RMDN1: variants seen among roughly 807,000 people sequenced by gnomAD.
RMDN1 encodes regulator of microtubule dynamics 1, also known as regulator of microtubule dynamics protein 1.
A neutral mutation model predicts 48.9 loss-of-function variants in RMDN1; 48 were observed. That is an observed-to-expected ratio of 0.98 (90% CI 0.78 to 1.25). The LOEUF is 1.25. Among genes scored for constraint, RMDN1 ranks in the 50% most tolerant of loss-of-function variants. The pLI is 0.00. For missense variants in RMDN1, 418 were observed against 373.4 expected (o/e 1.12, Z -0.98); for synonymous variants, 148 against 132.6 (o/e 1.12, Z -0.80).
At chr8:86,514,103 C>T (rs1820188143) in intron 1 of RMDN1, 1 of 272,782 alleles carries the variant, frequency 3.7e-6, no homozygotes. Context: ...ATCCTCCCAC[C>T]TCTGCCTCCC....
rs118090222 is a variant in RMDN1, at chr8:86,506,809, C to A, written c.247+186G>T. Among the ~76,000 whole-genome samples, 59 of 152,296 alleles carry A rather than the reference C, an allele frequency of 3.9e-4. 1 individual carries two copies. In the East Asian group the frequency reaches 0.011, roughly 29 times the overall value. ...CCAACTTCACGTCAACTTCTGGCTCCTCAAACAGTAGGTTGGCAGTTAGGC... is the reference window on the plus strand; with the variant it reads ...CCAACTTCACGTCAACTTCTGGCTCATCAAACAGTAGGTTGGCAGTTAGGC... On this transcript the variant is annotated intron_variant, in intron 2 of 9. Transcript: ENST00000406452.
chr8:86,512,481 C>G (rs978806651), upstream of RMDN1, among the ~76,000 whole-genome samples: 1 of 152,230 alleles, frequency 6.6e-6, no homozygotes, highest in Non-Finnish European at 1.5e-5. Flanking sequence ...GCATAACTGG[C>G]TGCTGCTTAT....
At chr8:86,496,982 A>T (rs1315359673) in intron 2 of RMDN1, among the ~76,000 whole-genome samples, 1 of 152,166 alleles carries the variant, frequency 6.6e-6, no homozygotes, top group African/African-American at 2.4e-5. Context: ...AATCAATATC[A>T]AGATCTCTCA....
chr8:86,508,799 G>A, upstream of RMDN1: 1 of 1,329,920 alleles, frequency 7.5e-7, no homozygotes, highest in East Asian at 3.0e-5. Flanking sequence ...CGGGCTTAGG[G>A]GGTGGGAAAT....
chr8:86,486,088 T>C (rs1219470012), intron 4 of RMDN1, among the ~76,000 whole-genome samples: 2 of 152,226 alleles, frequency 1.3e-5, no homozygotes, highest in African/African-American at 4.8e-5. Context: ...CTAGCTGTTA[T>C]ATTCCTACCT....
chr8:86,487,280 T>G (rs1815630681), intron 3 of RMDN1, among the ~76,000 whole-genome samples: 1 of 152,208 alleles, frequency 6.6e-6, no homozygotes, highest in Non-Finnish European at 1.5e-5. Context: ...AATAAATTAT[T>G]AACCACCACA....
At chr8:86,479,040 T>G in intron 6 of RMDN1, 30 bp from the exon 7 acceptor site, 1 of 1,479,592 alleles carries the variant, frequency 6.8e-7, no homozygotes, top group Non-Finnish European at 9.4e-7. Context: ...TTTTATACAT[T>G]CAAATTGTAC....
chr8:86,508,517 C>T lies in RMDN1; in HGVS notation c.104G>A (p.Gly35Asp), dbSNP rs1819782477. The change falls in exon 1 of 10, where the codon GGC (glycine) becomes GAC (aspartate). Residue 35 changes from glycine (G) to aspartate (D), a missense_variant. By Grantham distance (94) the Gly-to-Asp change is moderately conservative. Transcript: ENST00000406452. ...AGTSGSRGHC[G>D]PCRFRGFEVM... Reference sequence around the variant, plus strand: ...CTCGAAGCCGCGGAATCGACAGGGGCCGCAATGCCCGCGGCTGCCCGAAGT... The same window carrying T: ...CTCGAAGCCGCGGAATCGACAGGGGTCGCAATGCCCGCGGCTGCCCGAAGT... 1.9e-6 allele frequency: 3 copies of T among 1,561,670 alleles called. No homozygotes were observed. The highest frequency in any genetic ancestry group is 1.4e-5 in the African/African-American group (1 of 73,770).
intron 2 of RMDN1, among the ~76,000 whole-genome samples, chr8:86,501,295 T>C (rs1018826344): frequency 6.6e-6 from 1 of 152,230 alleles, no homozygotes; most frequent in Non-Finnish European, 1.5e-5. Context: ...ATTTTGTTAC[T>C]TCAGAAAGCA....
chr8:86,507,019 C>T lies in RMDN1; in HGVS notation c.223G>A (p.Ala75Thr). 1 of 1,608,760 alleles carries T rather than the reference C, an allele frequency of 6.2e-7. No individual in the cohort carries two copies. Among genetic ancestry groups the T allele is most frequent in the Non-Finnish European group, 8.5e-7 (1 of 1,175,096 alleles). Reference protein sequence around the residue: ...FETYQVISQAAVVHATAKVEE... With the variant: ...FETYQVISQATVVHATAKVEE... Reference sequence around the variant, plus strand: ...CCTTTGGCTGTGGCATGAACCACAGCAGCCTGAGAGATAACCTGGTAAGTT... The same window carrying T: ...CCTTTGGCTGTGGCATGAACCACAGTAGCCTGAGAGATAACCTGGTAAGTT... Residue 75 changes from alanine to threonine, a missense_variant, in exon 2 of 10, where the codon GCT (alanine) becomes ACT (threonine). Physicochemically the swap from Ala to Thr is moderately conservative, Grantham distance 58. Coordinates refer to ENST00000406452, the MANE Select transcript of RMDN1 (RefSeq NM_016033.3).
At chr8:86,493,031 G>T (rs1056950256) in intron 2 of RMDN1, among the ~76,000 whole-genome samples, 6 of 150,964 alleles carry the variant, frequency 4.0e-5, no homozygotes, top group African/African-American at 1.5e-4. Flanking sequence ...AAATGGAAGA[G>T]ATATAGGACA....
At chr8:86,476,752 GT>G (rs1259826085) in intron 8 of RMDN1, among the ~76,000 whole-genome samples, 1 of 152,112 alleles carries the variant, frequency 6.6e-6, no homozygotes, top group Admixed American at 6.6e-5. Context: ...CTGTAGTGCA[GT>G]GGTGCAATCA....
At chr8:86,508,798 G>T (rs376434732), upstream of RMDN1, 4 of 1,247,750 alleles carry the variant, frequency 3.2e-6, no homozygotes, top group Admixed American at 5.1e-5. Flanking sequence ...ACGGGCTTAG[G>T]GGGTGGGAAA....
chr8:86,498,293 G>T (rs1817694640), intron 2 of RMDN1, among the ~76,000 whole-genome samples: 1 of 150,754 alleles, frequency 6.6e-6, no homozygotes, highest in Non-Finnish European at 1.5e-5. Context: ...AAAAAGCCCT[G>T]GACTAGATGG....
intron 2 of RMDN1, among the ~76,000 whole-genome samples, chr8:86,505,789 A>T (rs1819228349): frequency 6.6e-6 from 1 of 152,162 alleles, no homozygotes; most frequent in Non-Finnish European, 1.5e-5. Flanking sequence ...GGAGAAATGT[A>T]GTTCATTATT....
At chr8:86,484,181 T>C (rs1042293819) in intron 5 of RMDN1, among the ~76,000 whole-genome samples, 2 of 152,166 alleles carry the variant, frequency 1.3e-5, no homozygotes, top group East Asian at 1.9e-4. Flanking sequence ...ACTTTGTACA[T>C]TGGATCTTTT....
At chr8:86,482,873 G>C in intron 5 of RMDN1, 1 of 1,148,258 alleles carries the variant, frequency 8.7e-7, no homozygotes, top group Non-Finnish European at 1.3e-6. Context: ...AGAAGGCCCT[G>C]GGGTCCCAGT....
chr8:86,479,361 C>CA lies in RMDN1; in HGVS notation c.642-352dup, dbSNP rs997049796. 2.8e-4 allele frequency among the ~76,000 whole-genome samples: 43 copies of CA among 152,120 alleles called. 3 individuals carry two copies. The highest frequency in any genetic ancestry group is 1.2e-4 in the Non-Finnish European group (8 of 68,000). On this transcript the variant is annotated intron_variant, in intron 6 of 9. Transcript: ENST00000406452. ...CCCTATTTTTCTTATAAGAAAAACT[C>CA]AGAGAAGTTAAACCTTACACAAGAA...
In RMDN1 at chr8:86,473,131, A is replaced by C. The variant is rs530018611; in HGVS notation, c.*1177T>G. The C allele has an allele frequency of 1.0e-6, 1 of 985,394 alleles. No individual in the cohort carries two copies. Among genetic ancestry groups the C allele is most frequent in the Non-Finnish European group, 1.2e-6 (1 of 829,910 alleles). The allele number at this position is 985,394 out of a possible 1,614,324, so 61.0% of individuals were successfully genotyped here. On this transcript the variant is annotated 3_prime_UTR_variant, in exon 10 of 10. Transcript: ENST00000406452. ...ACTGAATCTAAGAGATGGGTATACA[A>C]AGATCACTACTTTCAGTTTTCCTTT... is the stretch of plus-strand genomic sequence containing the variant.
Sources: gnomAD v4.1 joint callset for allele counts (sites outside exome capture counted in the v4.1 genomes callset) on GRCh38, gnomAD v4.1.1 for gene constraint, MANE v1.5 for transcripts, NCBI Gene and HGNC (gene_info 2026-07-23, HGNC 2026-07-21) for gene names.